Variants in HMCN1 observed in about 807,000 individuals in gnomAD.
The protein encoded by HMCN1 is hemicentin-1.
In HMCN1, 321 loss-of-function variants were observed where a neutral mutation model predicts 625.9. That is an observed-to-expected ratio of 0.51 (90% CI 0.47 to 0.56). The LOEUF is 0.56. HMCN1 is among the 20% of genes least tolerant of loss of function. The pLI, the probability that HMCN1 is intolerant of heterozygous loss-of-function variation, is 0.00. For synonymous variants in HMCN1, 2,425 were observed against 2,417.6 expected, an observed-to-expected ratio of 1.00 and a Z score of -0.09; for missense variants, 6,588 against 6,887.3, an observed-to-expected ratio of 0.96 and a Z score of 1.54.
chr1:186,063,100 A>C (rs1571803235), intron 48 of HMCN1, among the ~76,000 whole-genome samples: 2 of 127,802 alleles, frequency 1.6e-5, no homozygotes, highest in South Asian at 4.8e-4. Flanking sequence ...ATATATATAT[A>C]TATCACATTT....
chr1:186,115,146 C>A, intron 74 of HMCN1, 112 bp from the exon 75 acceptor site: 1 of 1,442,514 alleles, frequency 6.9e-7, no homozygotes, highest in Non-Finnish European at 9.7e-7. Context: ...GTCTTGTTTG[C>A]TCATAACTAT....
intron 30 of HMCN1, among the ~76,000 whole-genome samples, chr1:186,008,057 C>T (rs1653756547): frequency 6.6e-6 from 1 of 152,134 alleles, no homozygotes; most frequent in Non-Finnish European, 1.5e-5. Flanking sequence ...TACTTACTCT[C>T]TTGTTTTCAC....
intron 1 of HMCN1, among the ~76,000 whole-genome samples, chr1:185,783,796 A>C (rs1657340550): frequency 6.6e-6 from 1 of 152,176 alleles, no homozygotes. Context: ...GGGGTCAGGG[A>C]CCCACTTGAG....
At chr1:185,961,600 T>C (rs1217429209) in intron 11 of HMCN1, among the ~76,000 whole-genome samples, 4 of 152,376 alleles carry the variant, frequency 2.6e-5, no homozygotes, top group African/African-American at 7.2e-5. Flanking sequence ...ACTTAATATC[T>C]CTTTGATGGT....
intron 6 of HMCN1, among the ~76,000 whole-genome samples, chr1:185,915,839 C>G (rs2102463282): frequency 6.6e-6 from 1 of 152,082 alleles, no homozygotes; most frequent in Middle Eastern, 3.4e-3. Context: ...ATGAATAAGC[C>G]TGTAGTCTAT....
chr1:186,156,101 T>G (rs779763858), intron 97 of HMCN1, among the ~76,000 whole-genome samples: 1 of 152,140 alleles, frequency 6.6e-6, no homozygotes, highest in Non-Finnish European at 1.5e-5. Context: ...AATATTTTTA[T>G]ATCTTTAAAA....
intron 4 of HMCN1, among the ~76,000 whole-genome samples, chr1:185,870,623 A>T (rs187537133): frequency 6.6e-6 from 1 of 152,270 alleles, no homozygotes; most frequent in Non-Finnish European, 1.5e-5. Context: ...AGATGTTTTG[A>T]TACAGGCATG....
At chr1:185,948,668 T>A (rs1454011123) in intron 11 of HMCN1, among the ~76,000 whole-genome samples, 2 of 151,936 alleles carry the variant, frequency 1.3e-5, no homozygotes, top group Non-Finnish European at 2.9e-5. Context: ...TCAGGCCATC[T>A]GGGCATATAT....
chr1:186,028,817 C>CA (rs1228106728), intron 36 of HMCN1, among the ~76,000 whole-genome samples: 1 of 151,844 alleles, frequency 6.6e-6, no homozygotes, highest in Non-Finnish European at 1.5e-5. Context: ...TTCCGCCTCC[C>CA]AGGTTCAAGC....
chr1:186,097,989 G>A (rs1660212576), intron 68 of HMCN1, among the ~76,000 whole-genome samples: 1 of 152,064 alleles, frequency 6.6e-6, no homozygotes, highest in Non-Finnish European at 1.5e-5. Flanking sequence ...GGGAAAATTG[G>A]GATGTCCACA....
intron 1 of HMCN1, among the ~76,000 whole-genome samples, chr1:185,810,175 G>T (rs1265242351): frequency 6.6e-6 from 1 of 152,054 alleles, no homozygotes; most frequent in Admixed American, 6.6e-5. Context: ...GACATATTCT[G>T]CAATTAAATA....
chr1:185,877,661 C>T (rs1664042668), intron 4 of HMCN1, among the ~76,000 whole-genome samples: 1 of 151,780 alleles, frequency 6.6e-6, no homozygotes. Context: ...GGTAATTCTT[C>T]TTGTAGAAAT....
chr1:186,167,881 T>C (rs1173347223), intron 100 of HMCN1, among the ~76,000 whole-genome samples: 1 of 152,084 alleles, frequency 6.6e-6, no homozygotes, highest in African/African-American at 2.4e-5. Context: ...ATCTACCTAG[T>C]GAAGGACATC....
At chr1:185,941,981 C>T (rs966864030) in intron 11 of HMCN1, among the ~76,000 whole-genome samples, 1 of 151,962 alleles carries the variant, frequency 6.6e-6, no homozygotes, top group African/African-American at 2.4e-5. Context: ...TATTTGAAGT[C>T]AGGAGTTCGA....
At chr1:185,815,988 T>C (rs1659824539) in intron 1 of HMCN1, among the ~76,000 whole-genome samples, 1 of 150,152 alleles carries the variant, frequency 6.7e-6, no homozygotes, top group Admixed American at 6.6e-5. Context: ...CATTGTGTAA[T>C]GAATAGGCCC....
intron 52 of HMCN1, among the ~76,000 whole-genome samples, chr1:186,072,551 A>C (rs1442881627): frequency 1.3e-5 from 2 of 152,186 alleles, no homozygotes; most frequent in Non-Finnish European, 2.9e-5. Context: ...ATAATGTGTC[A>C]GGTGGGGCAG....
intron 104 of HMCN1, among the ~76,000 whole-genome samples, chr1:186,179,945 C>G (rs1335746616): frequency 6.6e-6 from 1 of 152,028 alleles, no homozygotes; most frequent in African/African-American, 2.4e-5. Flanking sequence ...ATATTTTTTC[C>G]AGCACTTTTC....
chr1:185,754,212 A>G (rs1654995385), intron 1 of HMCN1, among the ~76,000 whole-genome samples: 1 of 152,208 alleles, frequency 6.6e-6, no homozygotes. Context: ...GTCGAAAACA[A>G]TCAAATTCAT....
intron 69 of HMCN1, 97 bp from the exon 70 acceptor site, chr1:186,106,787 T>A: frequency 1.1e-6 from 1 of 875,246 alleles, no homozygotes; most frequent in Non-Finnish European, 2.0e-6. Context: ...ATCTTGCTTT[T>A]GGTGTGGGGT....
Sources: gnomAD v4.1 joint callset for allele counts (sites outside exome capture counted in the v4.1 genomes callset) on GRCh38, gnomAD v4.1.1 for gene constraint, MANE v1.5 for transcripts, NCBI Gene and HGNC (gene_info 2026-07-23, HGNC 2026-07-21) for gene names.